Variants in NALF1 observed in about 807,000 individuals in gnomAD.
NALF1 encodes NALCN channel auxiliary factor 1, also known as family with sequence similarity 155 member A.
NALF1 carries 3 observed loss-of-function variants against 48.4 expected under a neutral mutation model. The ratio of observed to expected loss-of-function variants is 0.06; its 90% confidence interval spans 0.03 to 0.16. The LOEUF (loss-of-function observed/expected upper bound fraction) is 0.16, where lower values mean the gene tolerates loss of function less well. Among genes scored for constraint, NALF1 ranks in the 10% least tolerant of loss-of-function variants. NALF1 has a pLI of 1.00. For synonymous variants in NALF1, 262 were observed against 245.7 expected (o/e 1.07, Z -0.62); for missense variants, 526 against 571.5 (o/e 0.92, Z 0.81).
intron 1 of NALF1, among the ~76,000 whole-genome samples, chr13:107,280,757 G>GA (rs962587090): frequency 4.6e-5 from 7 of 151,880 alleles, no homozygotes; most frequent in Non-Finnish European, 7.4e-5. Context: ...AAATAGTCTC[G>GA]AAAAAAAGTA....
At chr13:107,173,523 T>C (rs991664911) in intron 2 of NALF1, among the ~76,000 whole-genome samples, 1 of 152,194 alleles carries the variant, frequency 6.6e-6, no homozygotes, top group Admixed American at 6.5e-5. Flanking sequence ...AAGTGTTCTA[T>C]CAGTTCTTTT....
intron 1 of NALF1, among the ~76,000 whole-genome samples, chr13:107,784,338 T>C (rs1045011724): frequency 2.0e-5 from 3 of 152,198 alleles, no homozygotes; most frequent in African/African-American, 4.8e-5. Context: ...TGTGCTATCA[T>C]ACAAAGGCAT....
chr13:107,306,912 C>T (rs1881947805), intron 1 of NALF1, among the ~76,000 whole-genome samples: 2 of 152,116 alleles, frequency 1.3e-5, no homozygotes, highest in Admixed American at 1.3e-4. Context: ...GTGCAGTGAG[C>T]ACACCATTGC....
At chr13:107,681,837 G>T (rs1881312380) in intron 1 of NALF1, among the ~76,000 whole-genome samples, 2 of 152,252 alleles carry the variant, frequency 1.3e-5, no homozygotes, top group South Asian at 4.1e-4. Context: ...AGATGCAGAG[G>T]CTGAGAAGCA....
At chr13:107,800,771 T>C (rs1878590153) in intron 1 of NALF1, among the ~76,000 whole-genome samples, 1 of 148,404 alleles carries the variant, frequency 6.7e-6, no homozygotes, top group African/African-American at 2.4e-5. Context: ...GTGTATAATA[T>C]AGTTTATTAT....
intron 1 of NALF1, among the ~76,000 whole-genome samples, chr13:107,791,766 C>T (rs529378368): frequency 5.9e-5 from 8 of 136,698 alleles, no homozygotes; most frequent in African/African-American, 1.3e-4. Flanking sequence ...GCCTGGCCAA[C>T]GTGGTGATCC....
chr13:107,343,793 C>G (rs1196738159), intron 1 of NALF1, among the ~76,000 whole-genome samples: 1 of 151,812 alleles, frequency 6.6e-6, no homozygotes, highest in East Asian at 1.9e-4. Context: ...AGATTTATAC[C>G]TAAAGGAATT....
In NALF1 at chr13:107,232,794, C is replaced by A. The variant is rs984539405; in HGVS notation, c.916-22039G>T. On this transcript the variant is annotated intron_variant, in intron 1 of 2. Coordinates refer to ENST00000375915, the MANE Select transcript of NALF1 (RefSeq NM_001080396.3). ...TAAAGCAAAAGATAAAAAGAGCCTG[C>A]AATTTTTTTCGAGCACTCACTCTTT... Among the ~76,000 whole-genome samples, 5 of 152,144 alleles carry A rather than the reference C, an allele frequency of 3.3e-5. No individual in the cohort carries two copies. In the South Asian group the frequency reaches 1.0e-3, roughly 31 times the overall value.
chr13:107,844,765 C>A (rs896013832), intron 1 of NALF1, among the ~76,000 whole-genome samples: 2 of 152,152 alleles, frequency 1.3e-5, no homozygotes, highest in African/African-American at 2.4e-5. Context: ...TGTGATCCAG[C>A]ATGACTTTAA....
intron 1 of NALF1, among the ~76,000 whole-genome samples, chr13:107,447,079 C>T (rs544812674): frequency 6.6e-6 from 1 of 152,088 alleles, no homozygotes; most frequent in African/African-American, 2.4e-5. Flanking sequence ...GTTTGTTCAG[C>T]CCTCACTAAT....
chr13:107,473,796 C>T (rs1002009535), intron 1 of NALF1, among the ~76,000 whole-genome samples: 9 of 152,196 alleles, frequency 5.9e-5, no homozygotes, highest in African/African-American at 2.2e-4. Context: ...AATAGTTCTT[C>T]TTATTCTCCC....
At chr13:107,859,501 C>T (rs1435647443) in intron 1 of NALF1, among the ~76,000 whole-genome samples, 7 of 152,082 alleles carry the variant, frequency 4.6e-5, no homozygotes, top group Admixed American at 4.6e-4. Context: ...TAAAAAACTA[C>T]CCAAGAATTA....
At chr13:107,210,244 T>C (rs1879733214) in intron 2 of NALF1, among the ~76,000 whole-genome samples, 2 of 152,240 alleles carry the variant, frequency 1.3e-5, no homozygotes. Context: ...GCACATCTCC[T>C]GTTCTTATGG....
intron 1 of NALF1, among the ~76,000 whole-genome samples, chr13:107,807,422 A>T (rs2138602955): frequency 6.6e-6 from 1 of 152,310 alleles, no homozygotes; most frequent in South Asian, 2.1e-4. Context: ...CTAAAATGAC[A>T]CACCAATATG....
chr13:107,278,177 G>A (rs894711811), intron 1 of NALF1, among the ~76,000 whole-genome samples: 5 of 152,198 alleles, frequency 3.3e-5, no homozygotes, highest in African/African-American at 1.2e-4. Context: ...TTTCGCAGAA[G>A]GTAGAGTCTA....
intron 2 of NALF1, among the ~76,000 whole-genome samples, chr13:107,187,050 T>G (rs917314904): frequency 3.3e-5 from 5 of 152,200 alleles, no homozygotes; most frequent in African/African-American, 4.8e-5. Context: ...CCAGCAACTG[T>G]GGGCTGAGTG....
chr13:107,325,851 C>CATATATAT (rs1409352115), intron 1 of NALF1, among the ~76,000 whole-genome samples: 87 of 51,786 alleles, frequency 1.7e-3, no homozygotes, highest in African/African-American at 3.4e-3. Context: ...AACACACACA[C>CATATATAT]ACACATATAT....
chr13:107,193,352 T>C (rs1879321846), intron 2 of NALF1, among the ~76,000 whole-genome samples: 1 of 152,142 alleles, frequency 6.6e-6, no homozygotes, highest in Non-Finnish European at 1.5e-5. Context: ...AAGCAGGGTG[T>C]TAAACATGCG....
chr13:107,234,946 T>C (rs1056697245), intron 1 of NALF1, among the ~76,000 whole-genome samples: 1 of 152,196 alleles, frequency 6.6e-6, no homozygotes, highest in Non-Finnish European at 1.5e-5. Context: ...CGAGCCACAG[T>C]ACAGCTCCCA....
Sources: allele counts gnomAD v4.1 joint callset (sites outside exome capture counted in the v4.1 genomes callset), GRCh38; gene constraint gnomAD v4.1.1; transcripts MANE v1.5; gene names NCBI Gene and HGNC (gene_info 2026-07-23, HGNC 2026-07-21).